The following PAK3 variants were observed in gnomAD, a reference collection of about 807,000 sequenced individuals.
PAK3 encodes the protein serine/threonine-protein kinase PAK 3.
PAK3 carries 4 observed loss-of-function variants against 41.0 expected under a neutral mutation model. The ratio of observed to expected loss-of-function variants is 0.10; its 90% CI spans 0.05 to 0.22. The LOEUF (loss-of-function observed/expected upper bound fraction) is 0.22, where lower values mean the gene tolerates loss of function less well. Among genes scored for constraint, PAK3 ranks in the 10% least tolerant of loss-of-function variants. PAK3 has a pLI of 1.00. For missense variants in PAK3, 205 were observed against 409.9 expected (o/e 0.50, Z 4.32); for synonymous variants, 146 against 139.6 (o/e 1.05, Z -0.32).
intron 8 of PAK3, among the ~76,000 whole-genome samples, chrX:111,155,316 C>T (rs1262028270): frequency 9.1e-6 from 1 of 109,570 alleles, no homozygotes; most frequent in African/African-American, 3.3e-5. Context: ...AACTGGGTAA[C>T]ATGGTGAAAC....
Position 111,220,945 on chromosome X carries a change from C to CAAA in PAK3, c.*513_*515dup. On this transcript the variant is annotated 3_prime_UTR_variant, in exon 18 of 18. Transcript: ENST00000372007. Reference sequence around the variant, plus strand: ...AAAAAAGAAAGCAAAAAAAGCAAGGCAAAAAAAAAAAAAAAAACAAACAAA... The same window carrying CAAA: ...AAAAAAGAAAGCAAAAAAAGCAAGGCAAAAAAAAAAAAAAAAAAAACAAACAAA... The CAAA allele has an allele frequency of 7.5e-4, 37 of 49,411 alleles. No homozygotes were observed. Among genetic ancestry groups the CAAA allele is most frequent in the African/African-American group, 2.8e-3 (33 of 11,730 alleles). The allele number at this position is 49,411 out of a possible 1,213,427, so 4.1% of individuals were successfully genotyped here.
chrX:111,010,378 C>T (rs540821394), intron 1 of PAK3, among the ~76,000 whole-genome samples: 3 of 111,466 alleles, frequency 2.7e-5, no homozygotes, highest in South Asian at 7.7e-4. Context: ...TGACAAGCCA[C>T]GCCCATTTCT....
intron 1 of PAK3, among the ~76,000 whole-genome samples, chrX:111,056,649 T>C (rs919793440): frequency 2.7e-5 from 3 of 112,363 alleles, no homozygotes; most frequent in Non-Finnish European, 5.6e-5. Flanking sequence ...GATTTTTCAC[T>C]AGGCATTGTC....
At chrX:111,090,094 T>C (rs912867403) in intron 1 of PAK3, among the ~76,000 whole-genome samples, 45 of 109,695 alleles carry the variant, frequency 4.1e-4, no homozygotes, top group African/African-American at 1.4e-3. Flanking sequence ...TCCAGGGAAA[T>C]GAAAGTCGCA....
At chrX:111,049,520 A>G (rs936009536) in intron 1 of PAK3, among the ~76,000 whole-genome samples, 12 of 112,074 alleles carry the variant, frequency 1.1e-4, no homozygotes, top group African/African-American at 3.9e-4. Context: ...ACAAACAACA[A>G]TCAATAAAGG....
At chrX:111,038,724 G>A (rs2092424234) in intron 1 of PAK3, among the ~76,000 whole-genome samples, 1 of 111,850 alleles carries the variant, frequency 8.9e-6, no homozygotes, top group South Asian at 3.8e-4. Context: ...TGTGACATGA[G>A]GATAATAATA....
intron 1 of PAK3, among the ~76,000 whole-genome samples, chrX:111,000,152 C>T (rs1414061772): frequency 9.0e-6 from 1 of 111,016 alleles, no homozygotes; most frequent in African/African-American, 3.3e-5. Context: ...AAAGAGATTC[C>T]CAGGAATCCT....
At chrX:111,122,967 A>C in intron 4 of PAK3, 110 bp from the exon 5 acceptor site, 1 of 566,966 alleles carries the variant, frequency 1.8e-6, no homozygotes, top group African/African-American at 2.2e-5. Flanking sequence ...ACAAAACCTG[A>C]GAAAACATGA....
At chrX:111,125,046 A>G (rs976842428) in intron 5 of PAK3, among the ~76,000 whole-genome samples, 5 of 111,903 alleles carry the variant, frequency 4.5e-5, no homozygotes, top group African/African-American at 6.5e-5. Context: ...AGGAAGGCTT[A>G]TTATAAACTA....
At chrX:111,078,344 C>G (rs1458347016) in intron 1 of PAK3, among the ~76,000 whole-genome samples, 1 of 108,867 alleles carries the variant, frequency 9.2e-6, no homozygotes, top group Admixed American at 9.8e-5. Flanking sequence ...CATTTTCCAA[C>G]AGCATCTTCT....
intron 1 of PAK3, among the ~76,000 whole-genome samples, chrX:111,008,119 G>C: frequency 8.9e-6 from 1 of 112,295 alleles, no homozygotes; most frequent in Non-Finnish European, 1.9e-5. Flanking sequence ...CATTTATTAA[G>C]TTTCTTCTAT....
intron 1 of PAK3, among the ~76,000 whole-genome samples, chrX:111,050,244 C>T (rs1399679991): frequency 9.0e-6 from 1 of 111,150 alleles, no homozygotes; most frequent in Admixed American, 9.6e-5. Context: ...GAGGAAGCAC[C>T]GTGATCCTTT....
intron 12 of PAK3, 81 bp downstream of exon 12, chrX:111,192,256 T>TAA: frequency 3.6e-6 from 2 of 561,558 alleles, no homozygotes; most frequent in African/African-American, 2.4e-5. Context: ...CAACTTCGCC[T>TAA]AAAAAAAAAA....
At chrX:111,010,672 C>T (rs1022469714) in intron 1 of PAK3, among the ~76,000 whole-genome samples, 1 of 111,295 alleles carries the variant, frequency 9.0e-6, no homozygotes, top group Non-Finnish European at 1.9e-5. Flanking sequence ...TGCTGGTTCC[C>T]CCTTCACCTT....
intron 1 of PAK3, among the ~76,000 whole-genome samples, chrX:110,964,511 A>G (rs1337259099): frequency 8.9e-6 from 1 of 111,877 alleles, no homozygotes; most frequent in Non-Finnish European, 1.9e-5. Context: ...CATCTGGCCT[A>G]TATTTGCCCC....
chrX:111,183,535 A>C (rs905757523), intron 11 of PAK3, among the ~76,000 whole-genome samples: 3 of 111,245 alleles, frequency 2.7e-5, no homozygotes, highest in African/African-American at 9.8e-5. Flanking sequence ...TTCTCCCAGT[A>C]TATGAGCTTC....
At chrX:111,020,260 C>A (rs1334461585) in intron 1 of PAK3, among the ~76,000 whole-genome samples, 1 of 111,861 alleles carries the variant, frequency 8.9e-6, no homozygotes, top group Non-Finnish European at 1.9e-5. Flanking sequence ...AATGGATGAA[C>A]TTTGAAGACA....
intron 5 of PAK3, among the ~76,000 whole-genome samples, chrX:111,133,684 A>G (rs904051852): frequency 3.6e-5 from 4 of 112,012 alleles, no homozygotes; most frequent in Non-Finnish European, 7.5e-5. Flanking sequence ...TGCTTGCCTC[A>G]TAGAACTAGT....
intron 4 of PAK3, among the ~76,000 whole-genome samples, chrX:111,118,066 G>T (rs981817549): frequency 2.7e-5 from 3 of 111,907 alleles, no homozygotes; most frequent in African/African-American, 9.7e-5. Flanking sequence ...TGTCTGAAAA[G>T]TCACTAGAAA....
Sources: gnomAD v4.1 joint callset for allele counts (sites outside exome capture counted in the v4.1 genomes callset) on GRCh38, gnomAD v4.1.1 for gene constraint, MANE v1.5 for transcripts, NCBI Gene and HGNC (gene_info 2026-07-23, HGNC 2026-07-21) for gene names.